HMCN1: variants seen among roughly 807,000 people sequenced by gnomAD.
HMCN1 encodes the protein hemicentin-1.
Under a neutral mutation model 625.9 loss-of-function variants are expected in HMCN1, and 321 were observed. The observed-to-expected ratio is 0.51, with a 90% CI of 0.47 to 0.56. The LOEUF is 0.56. Ranked by LOEUF, HMCN1 falls within the 20% of genes least tolerant of loss-of-function variation. HMCN1 has a pLI of 0.00. For missense variants in HMCN1, 6,588 were observed against 6,887.3 expected (o/e 0.96, Z 1.54); for synonymous variants, 2,425 against 2,417.6 (o/e 1.00, Z -0.09).
chr1:185,749,884 C>T (rs1292129509), intron 1 of HMCN1, among the ~76,000 whole-genome samples: 2 of 152,226 alleles, frequency 1.3e-5, no homozygotes, highest in Non-Finnish European at 1.5e-5. Flanking sequence ...CACACTTCCT[C>T]TCCAGAGCCA....
chr1:186,169,540 T>C (rs1652091536), intron 100 of HMCN1, among the ~76,000 whole-genome samples: 1 of 152,122 alleles, frequency 6.6e-6, no homozygotes, highest in African/African-American at 2.4e-5. Context: ...ACACCACATC[T>C]ACAACCATCT....
intron 1 of HMCN1, among the ~76,000 whole-genome samples, chr1:185,744,278 C>G (rs1236930870): frequency 6.6e-6 from 1 of 152,104 alleles, no homozygotes; most frequent in Non-Finnish European, 1.5e-5. Context: ...CAGGCGTGAG[C>G]CACCATGCCT....
intron 89 of HMCN1, among the ~76,000 whole-genome samples, chr1:186,139,439 G>A (rs903342461): frequency 6.6e-6 from 1 of 152,124 alleles, no homozygotes; most frequent in Non-Finnish European, 1.5e-5. Context: ...GAGCAATTTT[G>A]TGTAATTTGT....
chr1:185,878,375 A>G (rs1480805952), intron 4 of HMCN1, among the ~76,000 whole-genome samples: 1 of 151,982 alleles, frequency 6.6e-6, no homozygotes, highest in Non-Finnish European at 1.5e-5. Context: ...TTACCTGTGG[A>G]TCTGTTGCAT....
At chr1:185,834,057 CTCTT>C (rs1292103396) in intron 1 of HMCN1, among the ~76,000 whole-genome samples, 4 of 152,134 alleles carry the variant, frequency 2.6e-5, no homozygotes, top group African/African-American at 9.7e-5. Context: ...TCAAAATTGT[CTCTT>C]TCTATAACTC....
chr1:186,046,732 T>A (rs1455132794), intron 41 of HMCN1, among the ~76,000 whole-genome samples: 1 of 152,050 alleles, frequency 6.6e-6, no homozygotes, highest in Non-Finnish European at 1.5e-5. Flanking sequence ...AGTCAGCTAG[T>A]TTGGCTGGAA....
intron 29 of HMCN1, among the ~76,000 whole-genome samples, chr1:186,004,276 A>G (rs780635964): frequency 1.3e-5 from 2 of 152,188 alleles, no homozygotes; most frequent in Non-Finnish European, 2.9e-5. Context: ...CCAGATCTCA[A>G]GGACTGCTGA....
In HMCN1 at chr1:186,117,109, G is replaced by A; in HGVS notation, c.11677G>A (p.Val3893Ile). The change falls in exon 76 of 107, where the codon GTC becomes ATC. Residue 3893 changes from valine to isoleucine, a missense_variant. By Grantham distance (29) the Val-to-Ile change is conservative. Transcript: ENST00000271588. ...GDDKRTVDLT[V>I]QVPPSIADEP... ...TGATAAAAGAACTGTGGATCTCACT[G>A]TCCAAGGTAGAATTGGCTTGGAACA... The A allele has an allele frequency of 6.2e-7, 1 of 1,613,212 alleles. No homozygotes were observed. Among genetic ancestry groups the A allele is most frequent in the Non-Finnish European group, 8.5e-7 (1 of 1,179,430 alleles).
Position 186,055,751 on chromosome 1 carries a change from A to G in HMCN1, c.7144+77A>G. 4 of 1,327,584 alleles carry G rather than the reference A, an allele frequency of 3.0e-6. No homozygotes were observed. The South Asian group carries it at 4.7e-5, about 16-fold the overall frequency. 82.2% of individuals were successfully genotyped at this position (1,327,584 alleles called of 1,614,324 possible). A position where few individuals can be genotyped will look rare whatever the true frequency, so the allele number is the denominator to read the frequency against. On this transcript the variant is annotated intron_variant, in intron 45 of 106. Coordinates refer to ENST00000271588, the MANE Select transcript of HMCN1 (RefSeq NM_031935.3). ...ATCCTGGATGGGAGATATAGGCCTCAAGTACTGAAAGTCATTTATTTATAA... is the reference window on the plus strand; with the variant it reads ...ATCCTGGATGGGAGATATAGGCCTCGAGTACTGAAAGTCATTTATTTATAA...
chr1:185,875,883 A>T (rs1448422587), intron 4 of HMCN1, among the ~76,000 whole-genome samples: 1 of 151,526 alleles, frequency 6.6e-6, no homozygotes, highest in Non-Finnish European at 1.5e-5. Context: ...TTAAAAGAAC[A>T]CCCCTCATTT....
Position 185,797,730 on chromosome 1 carries a change from G to A in HMCN1, c.269-48296G>A, listed in dbSNP as rs1658492456. Among the ~76,000 whole-genome samples, 2 of 128,404 alleles carry A rather than the reference G, an allele frequency of 1.6e-5. 1 individual carries two copies. Among genetic ancestry groups the A allele is most frequent in the African/African-American group, 1.0e-4 (2 of 19,820 alleles). 84.2% of individuals were successfully genotyped at this position (128,404 alleles called of 152,430 possible). On this transcript the variant is annotated intron_variant, in intron 1 of 106. Transcript: ENST00000271588. ...GCCTGTAATCCCAGCACTTTGGGAG[G>A]CCGAGGCGGGCGGATCACGAGGTCA...
chr1:186,165,098 C>T lies in HMCN1; in HGVS notation c.15257-13C>T, dbSNP rs755821631. On this transcript the variant is annotated splice_polypyrimidine_tract_variant and intron_variant, in intron 97 of 106. Transcript: ENST00000271588. ...CAATAAGCCAGTTAACTTTGCTTTC[C>T]TCTCTGTGGTAGGAGATCGCAGTAA... The T allele has an allele frequency of 5.6e-6, 9 of 1,613,596 alleles. No individual in the cohort carries two copies. Among genetic ancestry groups the T allele is most frequent in the Non-Finnish European group, 7.6e-6 (9 of 1,179,606 alleles).
chr1:186,108,331 A>G (rs1555495), intron 70 of HMCN1, 130 bp from the exon 71 acceptor site: 746,127 of 1,411,092 alleles, frequency 0.53, 202,699 homozygotes, highest in African/African-American at 0.83. Flanking sequence ...GTTTGTAATT[A>G]TCTAGGCTAT....
chr1:185,798,085 A>G (rs985925425), intron 1 of HMCN1, among the ~76,000 whole-genome samples: 24 of 148,520 alleles, frequency 1.6e-4, no homozygotes, highest in Non-Finnish European at 5.9e-5. Context: ...CATTTCTTCT[A>G]GGACCAGTCT....
In HMCN1 at chr1:185,811,676, G is replaced by A. The variant is rs1025623575; in HGVS notation, c.269-34350G>A. Among the ~76,000 whole-genome samples the A allele has an allele frequency of 1.8e-4, 27 of 151,878 alleles. No individual in the cohort carries two copies. The East Asian group carries it at 5.2e-3, about 29-fold the overall frequency. ...TTTTTCTCATGGATCTGGTTTTTAAGCTAGGAGACTGGAAAGAAAGAAAAG... is the reference window on the plus strand; with the variant it reads ...TTTTTCTCATGGATCTGGTTTTTAAACTAGGAGACTGGAAAGAAAGAAAAG... On this transcript the variant is annotated intron_variant, in intron 1 of 106. Coordinates refer to ENST00000271588, the MANE Select transcript of HMCN1 (RefSeq NM_031935.3).
chr1:185,923,272 T>C lies in HMCN1; in HGVS notation c.1022-118T>C, dbSNP rs910202496. ...TATGTAGAAACAATTCTGCAACTGA[T>C]CCAGAAATTGTAGGCATCCTTATGG... On this transcript the variant is annotated intron_variant, in intron 7 of 106. Transcript: ENST00000271588. 38 of 800,296 alleles carry C rather than the reference T, an allele frequency of 4.7e-5. No individual in the cohort carries two copies. In the African/African-American group the frequency reaches 5.5e-4, roughly 12 times the overall value. 49.6% of individuals were successfully genotyped at this position (800,296 alleles called of 1,614,324 possible).
intron 20 of HMCN1, 98 bp downstream of exon 20, chr1:185,987,642 T>C: frequency 1.2e-6 from 1 of 853,362 alleles, no homozygotes; most frequent in Non-Finnish European, 2.0e-6. Context: ...GAGTGGGGCA[T>C]GGAAAGAAGA....
chr1:185,909,356 A>G lies in HMCN1; in HGVS notation c.641A>G (p.Glu214Gly), dbSNP rs1436232459. The G allele has an allele frequency of 6.2e-7, 1 of 1,612,416 alleles. No homozygotes were observed. The highest frequency in any genetic ancestry group is 2.2e-5 in the East Asian group (1 of 44,836). The change falls in exon 5 of 107, where the codon GAA (glutamate) becomes GGA (glycine). Residue 214 changes from glutamate to glycine, a missense_variant. By Grantham distance (98) the Glu-to-Gly change is moderately conservative. Transcript: ENST00000271588. The stretch of plus-strand genomic sequence containing the variant: ...TTATAGGTATTAAAATGGGTAGAAG[A>G]AGCAGTACAGGCCTCCAAAGTTCAC... ...QVNEVLKWVE[E>G]AVQASKVHLL...
At chr1:186,125,874 G>T in intron 82 of HMCN1, 80 bp downstream of exon 82, 1 of 1,032,856 alleles carries the variant, frequency 9.7e-7, no homozygotes, top group Non-Finnish European at 1.4e-6. Flanking sequence ...TAGCATGGAA[G>T]TATATTCTTT....
Sources: gnomAD v4.1 joint callset for allele counts (sites outside exome capture counted in the v4.1 genomes callset) on GRCh38, gnomAD v4.1.1 for gene constraint, MANE v1.5 for transcripts, NCBI Gene and HGNC (gene_info 2026-07-23, HGNC 2026-07-21) for gene names.